ITGAL: variants seen among roughly 807,000 people sequenced by gnomAD.
ITGAL encodes integrin subunit alpha L.
In ITGAL, 68 loss-of-function variants were observed where a neutral mutation model predicts 138.4. That is an observed-to-expected ratio of 0.49 (90% CI 0.40 to 0.60). The LOEUF is 0.60. Among genes scored for constraint, ITGAL ranks in the 20% least tolerant of loss-of-function variants. The probability of loss-of-function intolerance (pLI) is 0.00; values close to 1 mark genes in which losing one functional copy is unlikely to be tolerated. For synonymous variants in ITGAL, 561 were observed against 584.3 expected (o/e 0.96, Z 0.57); for missense variants, 1,256 against 1,478.6 (o/e 0.85, Z 2.47).
At chr16:30,507,885 A>AT (rs888471650) in intron 21 of ITGAL, among the ~76,000 whole-genome samples, 7 of 151,624 alleles carry the variant, frequency 4.6e-5, no homozygotes, top group African/African-American at 1.2e-4. Context: ...TATTCTTTTT[A>AT]TTTTTTTATT....
At chr16:30,519,513 G>C (rs1229334980) in intron 29 of ITGAL, among the ~76,000 whole-genome samples, 2 of 152,222 alleles carry the variant, frequency 1.3e-5, no homozygotes, top group Non-Finnish European at 2.9e-5. Flanking sequence ...TGTTGGCAGG[G>C]CAGGTTTGAA....
rs940902367 is a variant in ITGAL, at chr16:30,520,028, G to A, written c.3339+61G>A. The A allele has an allele frequency of 4.7e-6, 6 of 1,267,456 alleles. No individual in the cohort carries two copies. In the Admixed American group the frequency reaches 8.5e-5, roughly 18 times the overall value. The allele number at this position is 1,267,456 out of a possible 1,614,324, so 78.5% of individuals were successfully genotyped here. A position where few individuals can be genotyped will look rare whatever the true frequency, so the allele number is the denominator to read the frequency against. On this transcript the variant is annotated intron_variant, in intron 30 of 30. Coordinates refer to ENST00000356798, the MANE Select transcript of ITGAL (RefSeq NM_002209.3). The stretch of plus-strand genomic sequence containing the variant: ...CAGCCAGGCTGGGGAAGGGGATCTG[G>A]TGGGAGCCAGGGAGGAGAATACCAA...
chr16:30,494,189 C>T lies in ITGAL; in HGVS notation c.1214-23C>T, dbSNP rs780737969. Reference sequence around the variant, plus strand: ...TTCCAGCATCCTGTGTTCCTAACTCCACACCCCACACACTTTCCTCAGGTT... The same window carrying T: ...TTCCAGCATCCTGTGTTCCTAACTCTACACCCCACACACTTTCCTCAGGTT... On this transcript the variant is annotated intron_variant, in intron 11 of 30. Coordinates refer to ENST00000356798, the MANE Select transcript of ITGAL (RefSeq NM_002209.3). This position sits in a 1 kb window ranked among gnomAD's most constrained non-coding sequence, Gnocchi z 4.2. 1.3e-6 allele frequency: 2 copies of T among 1,566,204 alleles called. No individual in the cohort carries two copies. The highest frequency in any genetic ancestry group is 1.2e-5 in the South Asian group (1 of 85,908).
At chr16:30,503,518 A>G (rs1009798118) in intron 17 of ITGAL, among the ~76,000 whole-genome samples, 1 of 138,392 alleles carries the variant, frequency 7.2e-6, no homozygotes, top group African/African-American at 2.6e-5. Flanking sequence ...GAGGGAAGGA[A>G]GGAAGGACAA....
chr16:30,504,914 A>G, intron 18 of ITGAL: 1 of 176,426 alleles, frequency 5.7e-6, no homozygotes, highest in Non-Finnish European at 1.2e-5. Context: ...CCAGCTACTC[A>G]GGAGGCTGAG....
At chr16:30,475,886 G>T (rs1053392655) in intron 4 of ITGAL, among the ~76,000 whole-genome samples, 1 of 151,452 alleles carries the variant, frequency 6.6e-6, no homozygotes, top group Admixed American at 6.6e-5. Flanking sequence ...CAATTAGCTG[G>T]GACTATAGGC....
At chr16:30,505,166 C>A in intron 18 of ITGAL, 78 bp from the exon 19 acceptor site, 1 of 1,378,134 alleles carries the variant, frequency 7.3e-7, no homozygotes, top group Non-Finnish European at 9.7e-7. Context: ...AGCCCCTGCC[C>A]CTCCAGCTCT....
Position 30,475,560 on chromosome 16 carries a change from C to T in ITGAL, c.307C>T (p.Pro103Ser). 6.2e-7 allele frequency: 1 copy of T among 1,613,650 alleles called. No homozygotes were observed. The highest frequency in any genetic ancestry group is 2.2e-5 in the East Asian group (1 of 44,870). The part of the protein sequence containing the change: ...KYLGMTLATD[P>S]TDGSILACDP... ...CTTGGGAATGACCTTGGCAACAGACCCCACAGATGGAAGCATTTTGGTAAG... is the reference window on the plus strand; with the variant it reads ...CTTGGGAATGACCTTGGCAACAGACTCCACAGATGGAAGCATTTTGGTAAG... The change falls in exon 4 of 31, where the codon CCC (proline) becomes TCC (serine). Residue 103 changes from proline (P) to serine (S), a missense_variant. By Grantham distance (74) the Pro-to-Ser change is moderately conservative. Coordinates refer to ENST00000356798, the MANE Select transcript of ITGAL (RefSeq NM_002209.3).
Position 30,474,547 on chromosome 16 carries a change from G to T in ITGAL, c.164+249G>T, listed in dbSNP as rs1053715090. ...AAGGATCCCAGCCCCAAAACACTTC[G>T]CATTGCCCAGTAGGTTCCTGACACT... On this transcript the variant is annotated intron_variant, in intron 2 of 30. Transcript: ENST00000356798. 1.6e-5 allele frequency: 8 copies of T among 511,262 alleles called. 1 individual carries two copies. The East Asian group carries it at 2.1e-4, about 13-fold the overall frequency. The allele number at this position is 511,262 out of a possible 1,614,324, so 31.7% of individuals were successfully genotyped here. A position where few individuals can be genotyped will look rare whatever the true frequency, so the allele number is the denominator to read the frequency against.
rs2050853060 is a variant in ITGAL at position 30,499,498 on chromosome 16, G to A, written c.2145+9G>A. The A allele has an allele frequency of 6.2e-7, 1 of 1,612,962 alleles. No individual in the cohort carries two copies. The highest frequency in any genetic ancestry group is 2.2e-5 in the East Asian group (1 of 44,860). On this transcript the variant is annotated intron_variant, in intron 17 of 30. Coordinates refer to ENST00000356798, the MANE Select transcript of ITGAL (RefSeq NM_002209.3). ...TCTCATTTCATTTCCCGGTAAGGGA[G>A]CCAGCGCCAATGCTCTGGGATGAGC...
At chr16:30,499,290 G>A (rs1567477815) in intron 16 of ITGAL, 48 bp from the exon 17 acceptor site, 1 of 1,613,150 alleles carries the variant, frequency 6.2e-7, no homozygotes, top group Non-Finnish European at 8.5e-7. Context: ...CAGGCTTATG[G>A]CCTGGGATCC....
Position 30,517,595 on chromosome 16 carries a change from G to C in ITGAL, c.2977-54G>C, listed in dbSNP as rs981047087. Reference sequence around the variant, plus strand: ...AGGGCAGGGGAAAGCTGGGATGCCAGTGTCTTATCTGGGTTGGGGAGGCTC... The same window carrying C: ...AGGGCAGGGGAAAGCTGGGATGCCACTGTCTTATCTGGGTTGGGGAGGCTC... On this transcript the variant is annotated intron_variant, in intron 26 of 30. Coordinates refer to ENST00000356798, the MANE Select transcript of ITGAL (RefSeq NM_002209.3). 5.2e-5 allele frequency: 77 copies of C among 1,476,192 alleles called. 1 individual carries two copies. Among genetic ancestry groups the C allele is most frequent in the Admixed American group, 1.2e-4 (7 of 59,824 alleles). 91.4% of individuals were successfully genotyped at this position (1,476,192 alleles called of 1,614,324 possible). A position where few individuals can be genotyped will look rare whatever the true frequency, so the allele number is the denominator to read the frequency against.
intron 10 of ITGAL, 46 bp from the exon 11 acceptor site, chr16:30,489,208 G>A: frequency 6.2e-7 from 1 of 1,613,818 alleles, no homozygotes; most frequent in Non-Finnish European, 8.5e-7. Context: ...GGCTCTGGGG[G>A]GTGGGTCGGT....
chr16:30,476,777 C>CGT (rs1202379618), intron 4 of ITGAL, among the ~76,000 whole-genome samples: 4 of 151,910 alleles, frequency 2.6e-5, no homozygotes, highest in Non-Finnish European at 5.9e-5. Context: ...GGATTACAGG[C>CGT]GTGTGCCACC....
At chr16:30,472,964 G>A (rs2050415467) in intron 1 of ITGAL, 66 bp downstream of exon 1, 1 of 1,473,104 alleles carries the variant, frequency 6.8e-7, no homozygotes, top group Non-Finnish European at 9.4e-7. Flanking sequence ...AGGGCTTGGT[G>A]CAGCTGGAGT....
intron 29 of ITGAL, 99 bp downstream of exon 29, chr16:30,518,818 G>A (rs1040758244): frequency 3.7e-5 from 32 of 873,798 alleles, no homozygotes; most frequent in South Asian, 2.6e-4. Flanking sequence ...GGCTCTGTGC[G>A]AGTCAGAACT....
intron 7 of ITGAL, 44 bp downstream of exon 7, chr16:30,481,628 C>T (rs1484468869): frequency 6.3e-7 from 1 of 1,595,860 alleles, no homozygotes; most frequent in African/African-American, 1.3e-5. Context: ...GTGATTTGTT[C>T]TGGGTGATCT....
At position 30,481,419 on chromosome 16, in the gene ITGAL, T is replaced by G. The variant is rs1256809623; in HGVS notation, c.577-20T>G. 1 of 1,598,678 alleles carries G rather than the reference T, an allele frequency of 6.3e-7. No homozygotes were observed. Among genetic ancestry groups the G allele is most frequent in the Admixed American group, 1.7e-5 (1 of 58,222 alleles). On this transcript the variant is annotated intron_variant, in intron 6 of 30. Transcript: ENST00000356798. ...GAAAGGGATATATAACTGAATGTCA[T>G]TTCTTCCTTCCTTTTCTAGTTTGCT...
At position 30,496,529 on chromosome 16, in the gene ITGAL, G is replaced by C; in HGVS notation, c.1795G>C (p.Val599Leu). The C allele has an allele frequency of 6.2e-7, 1 of 1,614,094 alleles. No individual in the cohort carries two copies. Among genetic ancestry groups the C allele is most frequent in the Non-Finnish European group, 8.5e-7 (1 of 1,179,958 alleles). Reference protein sequence around the residue: ...KDLEGDGLADVAVGAESQMIV... With the variant: ...KDLEGDGLADLAVGAESQMIV... ...CCTTGAAGGGGATGGCTTGGCAGAT[G>C]TGGCTGTGGGGGCTGAGAGCCAGAT... The change falls in exon 15 of 31, where the codon GTG becomes CTG. Residue 599 changes from valine to leucine, a missense_variant. Around this residue, in one of 3 missense-constraint regions of ITGAL, gnomAD observed 867 missense variants for 972.5 expected, o/e 0.89. Coordinates refer to ENST00000356798, the MANE Select transcript of ITGAL (RefSeq NM_002209.3).
Sources: gnomAD v4.1 joint callset for allele counts (sites outside exome capture counted in the v4.1 genomes callset) on GRCh38, gnomAD v4.1.1 for gene constraint, gnomAD v4.1.1 regional missense constraint, Gnocchi (gnomAD v3.1) non-coding constraint, MANE v1.5 for transcripts, NCBI Gene and HGNC (gene_info 2026-07-23, HGNC 2026-07-21) for gene names.